Variants in PBX1 observed in about 807,000 individuals in gnomAD.
PBX1 encodes pre-B-cell leukemia transcription factor 1.
Under a neutral mutation model 53.4 loss-of-function variants are expected in PBX1, and 6 were observed. The ratio of observed to expected loss-of-function variants is 0.11; its 90% CI spans 0.06 to 0.22. The LOEUF is 0.22. PBX1 is among the 10% of genes least tolerant of loss of function. PBX1 has a pLI of 1.00. For missense variants in PBX1, 251 were observed against 551.4 expected, an observed-to-expected ratio of 0.46 and a Z score of 5.46; for synonymous variants, 204 against 212.3, an observed-to-expected ratio of 0.96 and a Z score of 0.34.
intron 2 of PBX1, among the ~76,000 whole-genome samples, chr1:164,673,513 T>A (rs1557932822): frequency 6.9e-6 from 1 of 144,274 alleles, no homozygotes; most frequent in South Asian, 2.2e-4. Flanking sequence ...CACTGTTGCC[T>A]GGGCTGGAGT....
chr1:164,876,548 C>T (rs1373376903), intron 2 of PBX1, among the ~76,000 whole-genome samples: 2 of 148,618 alleles, frequency 1.3e-5, no homozygotes, highest in Non-Finnish European at 3.0e-5. Context: ...GGGGGCGGGG[C>T]GGGGCAGGGA....
In PBX1 at chr1:164,740,103, G is replaced by A. The variant is rs1665524361; in HGVS notation, c.266-52391G>A. Among the ~76,000 whole-genome samples, 3 of 152,228 alleles carry A rather than the reference G, an allele frequency of 2.0e-5. No individual in the cohort carries two copies. In the South Asian group the frequency reaches 6.2e-4, roughly 32 times the overall value. ...GAATTTGATCTAAATGTAGGAAGAGGAAATAAAAGGTGCCTGTGAAGAACT... is the reference window on the plus strand; with the variant it reads ...GAATTTGATCTAAATGTAGGAAGAGAAAATAAAAGGTGCCTGTGAAGAACT... On this transcript the variant is annotated intron_variant, in intron 2 of 8. Coordinates refer to ENST00000420696, the MANE Select transcript of PBX1 (RefSeq NM_002585.4).
rs146414874 is a variant in PBX1, at chr1:164,702,106, G to A, written c.266-90388G>A. On this transcript the variant is annotated intron_variant, in intron 2 of 8. Coordinates refer to ENST00000420696, the MANE Select transcript of PBX1 (RefSeq NM_002585.4). ...AAGGTATAGCTTGTATAGTAATTCCGTTCTGGGGGTTGCGGAGAAGAGCAG... is the reference window on the plus strand; with the variant it reads ...AAGGTATAGCTTGTATAGTAATTCCATTCTGGGGGTTGCGGAGAAGAGCAG... Among the ~76,000 whole-genome samples the A allele has an allele frequency of 1.4e-3, 213 of 152,168 alleles. 7 individuals are homozygous for A. In the East Asian group the frequency reaches 0.03, roughly 21 times the overall value.
At chr1:164,645,351 T>A (rs539100844) in intron 2 of PBX1, among the ~76,000 whole-genome samples, 2 of 152,306 alleles carry the variant, frequency 1.3e-5, no homozygotes, top group East Asian at 3.9e-4. Flanking sequence ...TTTTGCCCCC[T>A]TGCTCTCTGG....
chr1:164,676,977 T>G (rs1268934066), intron 2 of PBX1, among the ~76,000 whole-genome samples: 2 of 152,014 alleles, frequency 1.3e-5, no homozygotes, highest in African/African-American at 2.4e-5. Flanking sequence ...GTTTCTACCT[T>G]TTTTTTTCCC....
intron 2 of PBX1, among the ~76,000 whole-genome samples, chr1:164,705,530 G>A (rs1663377107): frequency 6.6e-6 from 1 of 152,100 alleles, no homozygotes; most frequent in African/African-American, 2.4e-5. Context: ...TTAAGCCTCA[G>A]GACATGTGTT....
At chr1:164,741,032 A>C (rs1410809997) in intron 2 of PBX1, among the ~76,000 whole-genome samples, 2 of 152,246 alleles carry the variant, frequency 1.3e-5, no homozygotes, top group Non-Finnish European at 2.9e-5. Flanking sequence ...TGTTTGCATT[A>C]ATAAAGGTTT....
rs764163292 is a variant in PBX1, at chr1:164,820,076, T to C, written c.1002T>C (p.Ser334=). The C allele has an allele frequency of 4.4e-6, 7 of 1,604,614 alleles. No homozygotes were observed. In the Middle Eastern group the frequency reaches 6.6e-4, roughly 152 times the overall value. The change falls in exon 7 of 9, where the codon TCT becomes TCC. Residue 334 remains serine (S), a synonymous_variant. Coordinates refer to ENST00000420696, the MANE Select transcript of PBX1 (RefSeq NM_002585.4). ...GCCTCACTCTTTCCTTTCCAGGTTC[T>C]TCCAGTTCTTTTAACATGTCAAACT... ...NSPSTPNSAG[S]SSSFNMSNSG...
chr1:164,734,777 A>G (rs916841069), intron 2 of PBX1, among the ~76,000 whole-genome samples: 1 of 152,166 alleles, frequency 6.6e-6, no homozygotes, highest in Non-Finnish European at 1.5e-5. Context: ...GGGGGGAGGA[A>G]TAGAAAGATG....
At chr1:164,732,908 C>G (rs1024518863) in intron 2 of PBX1, among the ~76,000 whole-genome samples, 24 of 152,174 alleles carry the variant, frequency 1.6e-4, no homozygotes, top group African/African-American at 5.5e-4. Context: ...ACTTCCTCAA[C>G]CCACTTTGGT....
intron 8 of PBX1, among the ~76,000 whole-genome samples, chr1:164,839,518 T>G (rs1489872017): frequency 1.3e-5 from 2 of 152,152 alleles, no homozygotes; most frequent in African/African-American, 4.8e-5. Flanking sequence ...GGGTGATGTG[T>G]GCCTTGAAGA....
chr1:164,577,644 A>C (rs562312431), intron 2 of PBX1, among the ~76,000 whole-genome samples: 17 of 152,344 alleles, frequency 1.1e-4, no homozygotes, highest in African/African-American at 3.8e-4. Flanking sequence ...TTGCTCTGTT[A>C]CAGCTTCACA....
At chr1:164,815,505 C>CA (rs1348610445) in intron 6 of PBX1, 1 of 152,228 alleles carries the variant, frequency 6.6e-6, no homozygotes, top group Non-Finnish European at 1.5e-5. Flanking sequence ...AGTCCATTCT[C>CA]ACGCTGCTAT....
intron 2 of PBX1, among the ~76,000 whole-genome samples, chr1:164,595,765 A>G (rs934044236): frequency 1.3e-5 from 2 of 152,200 alleles, no homozygotes; most frequent in Admixed American, 6.5e-5. Flanking sequence ...ACAGGATGAA[A>G]GGTGCTCTAA....
intron 2 of PBX1, among the ~76,000 whole-genome samples, chr1:164,876,407 T>C (rs945170205): frequency 5.3e-5 from 8 of 151,020 alleles, no homozygotes; most frequent in African/African-American, 2.0e-4. Context: ...GTGGGACAAT[T>C]AGCAGAGGAG....
At chr1:164,762,204 A>C (rs1311288894) in intron 2 of PBX1, among the ~76,000 whole-genome samples, 1 of 152,202 alleles carries the variant, frequency 6.6e-6, no homozygotes, top group Non-Finnish European at 1.5e-5. Flanking sequence ...TAAGTCATTA[A>C]GATGAAGAAT....
chr1:164,752,334 C>T (rs1296190082), intron 2 of PBX1, among the ~76,000 whole-genome samples: 1 of 151,472 alleles, frequency 6.6e-6, no homozygotes, highest in African/African-American at 2.4e-5. Flanking sequence ...CTGCTGGTGC[C>T]ATGGCAAGTG....
intron 2 of PBX1, among the ~76,000 whole-genome samples, chr1:164,875,626 C>T (rs1023685128): frequency 6.6e-6 from 1 of 152,154 alleles, no homozygotes; most frequent in African/African-American, 2.4e-5. Context: ...ATGAGTCCCA[C>T]CTTGGGCAAA....
intron 2 of PBX1, among the ~76,000 whole-genome samples, chr1:164,752,121 A>G (rs1245277113): frequency 6.6e-6 from 1 of 151,800 alleles, no homozygotes; most frequent in African/African-American, 2.4e-5. Context: ...TTCAAATGCC[A>G]AGGGAGATTT....
Sources: allele counts gnomAD v4.1 joint callset (sites outside exome capture counted in the v4.1 genomes callset), GRCh38; gene constraint gnomAD v4.1.1; transcripts MANE v1.5; gene names NCBI Gene and HGNC (gene_info 2026-07-23, HGNC 2026-07-21).